Variants in CADPS2 observed in about 807,000 individuals in gnomAD.
CADPS2 encodes the protein calcium-dependent secretion activator 2.
A neutral mutation model predicts 172.5 loss-of-function variants in CADPS2; 93 were observed. The observed-to-expected ratio is 0.54, with a 90% CI of 0.46 to 0.64. The LOEUF (loss-of-function observed/expected upper bound fraction) is 0.64. Among genes scored for constraint, CADPS2 ranks in the 30% least tolerant of loss-of-function variants. The pLI is 0.00. For synonymous variants in CADPS2, 546 were observed against 555.2 expected (o/e 0.98, Z 0.23); for missense variants, 1,420 against 1,565.9 (o/e 0.91, Z 1.57).
intron 24 of CADPS2, among the ~76,000 whole-genome samples, chr7:122,383,765 T>C (rs1220342179): frequency 6.6e-6 from 1 of 152,126 alleles, no homozygotes; most frequent in African/African-American, 2.4e-5. Flanking sequence ...GCTAATCAGA[T>C]GCCAGTGAAT....
rs2087047736 is a variant in CADPS2 at position 122,705,751 on chromosome 7, TATAATATATAATATATG to T, written c.453+31187_453+31203del. On this transcript the variant is annotated intron_variant, in intron 2 of 29. Transcript: ENST00000449022. ...CATATATTATATAATATATAATATA[TATAATATATAATATATG>T]ATATATTATATAATATATATCATAT... Among the ~76,000 whole-genome samples the T allele has an allele frequency of 1.9e-4, 2 of 10,308 alleles. 1 individual carries two copies. The highest frequency in any genetic ancestry group is 3.7e-4 in the Non-Finnish European group (2 of 5,376). 6.8% of individuals were successfully genotyped at this position (10,308 alleles called of 152,430 possible). A position where few individuals can be genotyped will look rare whatever the true frequency, so the allele number is the denominator to read the frequency against.
At chr7:122,331,721 C>G (rs1049977401) in intron 28 of CADPS2, among the ~76,000 whole-genome samples, 3 of 152,072 alleles carry the variant, frequency 2.0e-5, no homozygotes, top group Non-Finnish European at 4.4e-5. Context: ...GTAATTATTC[C>G]CATTTTGCAT....
intron 1 of CADPS2, among the ~76,000 whole-genome samples, chr7:122,793,788 G>A (rs1795786837): frequency 1.3e-5 from 2 of 152,084 alleles, no homozygotes; most frequent in Non-Finnish European, 2.9e-5. Flanking sequence ...TCCAGACTTA[G>A]TGCTTCCTTC....
Position 122,636,814 on chromosome 7 carries a change from G to A in CADPS2, c.787-7486C>T, listed in dbSNP as rs568257120. ...TGTTGTTGAACTTGGTGAATCTGAT[G>A]GCTATGTGCCTTGGGGTTGGTCATC... On this transcript the variant is annotated intron_variant, in intron 3 of 29. Transcript: ENST00000449022. Among the ~76,000 whole-genome samples the A allele has an allele frequency of 9.4e-4, 143 of 152,060 alleles. 1 individual carries two copies. Among genetic ancestry groups the A allele is most frequent in the Non-Finnish European group, 1.9e-3 (129 of 67,992 alleles).
At chr7:122,610,716 T>C (rs2074189042) in intron 6 of CADPS2, among the ~76,000 whole-genome samples, 1 of 152,166 alleles carries the variant, frequency 6.6e-6, no homozygotes, top group South Asian at 2.1e-4. Context: ...GAGAAGATTA[T>C]GTGGGGAAAA....
At chr7:122,346,654 T>G (rs1036743404) in intron 27 of CADPS2, among the ~76,000 whole-genome samples, 2 of 152,204 alleles carry the variant, frequency 1.3e-5, no homozygotes. Context: ...TAGTTTCCTA[T>G]GTACAGCCGA....
intron 18 of CADPS2, 132 bp from the exon 19 acceptor site, chr7:122,414,208 G>T: frequency 1.9e-6 from 1 of 532,876 alleles, no homozygotes; most frequent in Middle Eastern, 3.7e-4. Flanking sequence ...TATGAATAAT[G>T]ATTATCTCTA....
At chr7:122,588,228 T>C (rs2070103408) in intron 6 of CADPS2, among the ~76,000 whole-genome samples, 1 of 152,170 alleles carries the variant, frequency 6.6e-6, no homozygotes, top group South Asian at 2.1e-4. Context: ...AGATGCCATT[T>C]GTCAATTTTT....
intron 6 of CADPS2, among the ~76,000 whole-genome samples, chr7:122,614,331 T>C (rs2074649631): frequency 6.6e-6 from 1 of 152,128 alleles, no homozygotes; most frequent in Admixed American, 6.6e-5. Context: ...TGTATCTCCC[T>C]ATCCTGCCTG....
At chr7:122,493,061 A>G (rs1020244345) in intron 9 of CADPS2, among the ~76,000 whole-genome samples, 13 of 152,210 alleles carry the variant, frequency 8.5e-5, no homozygotes, top group African/African-American at 3.1e-4. Flanking sequence ...CTACATTAAA[A>G]TCAAGGTATT....
In CADPS2 at chr7:122,621,493, T is replaced by C. The variant is rs1188970715; in HGVS notation, c.1092A>G (p.Ser364=). The change falls in exon 5 of 30, where the codon TCA becomes TCG. Residue 364 remains serine (S), a synonymous_variant. Coordinates refer to ENST00000449022, the MANE Select transcript of CADPS2 (RefSeq NM_017954.11). Reference sequence around the variant, plus strand: ...TAAAGCTACTTACCTCTAAGGTGAATGACAGTACCACGTCGGACTTTGACA... The same window carrying C: ...TAAAGCTACTTACCTCTAAGGTGAACGACAGTACCACGTCGGACTTTGACA... The part of the protein sequence containing the change: ...IQLSKSDVVL[S]FTLEIVIMEV... The C allele has an allele frequency of 6.2e-7, 1 of 1,610,742 alleles. No individual in the cohort carries two copies. Among genetic ancestry groups the C allele is most frequent in the Non-Finnish European group, 8.5e-7 (1 of 1,177,188 alleles).
intron 6 of CADPS2, among the ~76,000 whole-genome samples, chr7:122,596,713 A>G (rs1041386412): frequency 6.6e-6 from 1 of 152,118 alleles, no homozygotes; most frequent in Non-Finnish European, 1.5e-5. Flanking sequence ...AAGACAGAAG[A>G]CAATGATGTG....
At chr7:122,325,676 A>C (rs1427475819) in intron 28 of CADPS2, 95 bp from the exon 29 acceptor site, 4 of 721,526 alleles carry the variant, frequency 5.5e-6, no homozygotes, top group Non-Finnish European at 9.8e-6. Context: ...AGGGGGTAAT[A>C]AAACACTCTG....
intron 11 of CADPS2, among the ~76,000 whole-genome samples, chr7:122,485,437 T>C (rs148912495): frequency 3.6e-4 from 55 of 152,326 alleles, no homozygotes; most frequent in African/African-American, 1.3e-3. Context: ...ATGGTCTGGA[T>C]AGATCAAACC....
rs1260798225 is a variant in CADPS2 at position 122,474,405 on chromosome 7, T to C, written c.1974A>G (p.Arg658=). ...RILQRQTLDH[R]LNDSYSCLGW... ...CCAAGCAAGAATAGGAATCATTCAG[T>C]CTGTGATCCAAAGTCTGCCTCTGGA... The change falls in exon 13 of 30, where the codon AGA becomes AGG. Residue 658 remains arginine, a synonymous_variant. Coordinates refer to ENST00000449022, the MANE Select transcript of CADPS2 (RefSeq NM_017954.11). The C allele has an allele frequency of 6.2e-7, 1 of 1,613,368 alleles. No homozygotes were observed. Among genetic ancestry groups the C allele is most frequent in the African/African-American group, 1.3e-5 (1 of 74,874 alleles).
chr7:122,818,250 C>T (rs1035402380), intron 1 of CADPS2, among the ~76,000 whole-genome samples: 2 of 152,084 alleles, frequency 1.3e-5, no homozygotes, highest in African/African-American at 4.8e-5. Flanking sequence ...CTTCAACTCA[C>T]ACCTGACCTA....
At chr7:122,615,006 T>G (rs1004585523) in intron 6 of CADPS2, among the ~76,000 whole-genome samples, 175 bp downstream of exon 6, 1 of 152,180 alleles carries the variant, frequency 6.6e-6, no homozygotes, top group Non-Finnish European at 1.5e-5. Context: ...ATTCCAATTA[T>G]AACATCATTA....
At chr7:122,780,436 A>C (rs921492664) in intron 1 of CADPS2, among the ~76,000 whole-genome samples, 1 of 152,198 alleles carries the variant, frequency 6.6e-6, no homozygotes, top group Non-Finnish European at 1.5e-5. Context: ...TACTGTTTTT[A>C]AAAAGGTGGG....
chr7:122,791,452 A>C (rs957522963), intron 1 of CADPS2, among the ~76,000 whole-genome samples: 2 of 152,068 alleles, frequency 1.3e-5, no homozygotes, highest in Non-Finnish European at 2.9e-5. Flanking sequence ...TCTTTCCTGA[A>C]CTCAGCAAAG....
Sources: gnomAD v4.1 joint callset for allele counts (sites outside exome capture counted in the v4.1 genomes callset) on GRCh38, gnomAD v4.1.1 for gene constraint, MANE v1.5 for transcripts, NCBI Gene and HGNC (gene_info 2026-07-23, HGNC 2026-07-21) for gene names.